FAM120B: variants seen among roughly 807,000 people sequenced by gnomAD.
The protein encoded by FAM120B is constitutive coactivator of peroxisome proliferator-activated receptor gamma.
A neutral mutation model predicts 96.3 loss-of-function variants in FAM120B; 83 were observed. That is an observed-to-expected ratio of 0.86 (90% CI 0.72 to 1.03). The LOEUF is 1.03. FAM120B is among the 50% of genes least tolerant of loss of function. FAM120B has a pLI of 0.00. For synonymous variants in FAM120B, 407 were observed against 402.7 expected (o/e 1.01, Z -0.13); for missense variants, 1,027 against 1,121.2 (o/e 0.92, Z 1.20).
chr6:170,323,137 G>C lies in FAM120B; in HGVS notation c.1793G>C (p.Ser598Thr), dbSNP rs1185515660. 6.2e-7 allele frequency: 1 copy of C among 1,614,156 alleles called. No homozygotes were observed. Among genetic ancestry groups the C allele is most frequent in the South Asian group, 1.1e-5 (1 of 91,084 alleles). The change falls in exon 3 of 11, where the codon AGT becomes ACT. Residue 598 changes from serine to threonine, a missense_variant. This residue lies in a region of FAM120B where 880 missense variants were observed against 980.9 expected (regional missense o/e 0.90). Coordinates refer to ENST00000476287, the MANE Select transcript of FAM120B (RefSeq NM_032448.3). ...ESYLVYNIMS[S>T]GEIECSNTLE... Reference sequence around the variant, plus strand: ...TACCTGGTGTACAACATCATGAGCAGTGGAGAGATTGAATGCAGCAACACC... The same window carrying C: ...TACCTGGTGTACAACATCATGAGCACTGGAGAGATTGAATGCAGCAACACC...
At chr6:170,387,902 T>C (rs1250124207) in intron 6 of FAM120B, among the ~76,000 whole-genome samples, 1 of 152,240 alleles carries the variant, frequency 6.6e-6, no homozygotes, top group African/African-American at 2.4e-5. Flanking sequence ...TGAATGATCA[T>C]GTGAGCTTTT....
intron 2 of FAM120B, among the ~76,000 whole-genome samples, chr6:170,320,410 G>A (rs1785209030): frequency 6.6e-6 from 1 of 152,182 alleles, no homozygotes; most frequent in Admixed American, 6.5e-5. Context: ...ATTTAAAGTG[G>A]CCATTGTAGT....
upstream of FAM120B, among the ~76,000 whole-genome samples, chr6:170,303,912 T>A (rs528999543): frequency 6.6e-6 from 1 of 152,336 alleles, no homozygotes; most frequent in Admixed American, 6.5e-5. Context: ...ATTCTGAAGA[T>A]CCCTTTTAAG....
At chr6:170,364,507 A>G (rs1336944846) in intron 6 of FAM120B, among the ~76,000 whole-genome samples, 1 of 152,202 alleles carries the variant, frequency 6.6e-6, no homozygotes, top group Non-Finnish European at 1.5e-5. Context: ...TCCTGCCAAC[A>G]TTGATTAACT....
intron 9 of FAM120B, among the ~76,000 whole-genome samples, chr6:170,398,141 C>G (rs1473945631): frequency 6.6e-6 from 1 of 152,202 alleles, no homozygotes; most frequent in Non-Finnish European, 1.5e-5. Flanking sequence ...AGTGTGCCAT[C>G]AGGCCTCCCA....
At chr6:170,390,538 T>C (rs1276213350) in intron 7 of FAM120B, among the ~76,000 whole-genome samples, 1 of 152,162 alleles carries the variant, frequency 6.6e-6, no homozygotes, top group African/African-American at 2.4e-5. Context: ...GAAGGAAAGG[T>C]TGAATGTTCC....
intron 1 of FAM120B, among the ~76,000 whole-genome samples, chr6:170,316,980 A>T (rs1454773194): frequency 2.0e-5 from 3 of 152,192 alleles, no homozygotes; most frequent in Non-Finnish European, 2.9e-5. Flanking sequence ...AGAATCATCC[A>T]TGTGGTGTTT....
At chr6:170,290,831 C>A, upstream of FAM120B, 1 of 625,898 alleles carries the variant, frequency 1.6e-6, no homozygotes, top group South Asian at 1.8e-5. The surrounding 1 kb of genome is among the most constrained non-coding windows in gnomAD (Gnocchi z 4.7). Flanking sequence ...ACCGGAGGGG[C>A]CGGGCCGTGG....
intron 1 of FAM120B, among the ~76,000 whole-genome samples, chr6:170,308,789 ACTTCTTCCT>A (rs765128954): frequency 1.2e-4 from 18 of 152,012 alleles, no homozygotes; most frequent in South Asian, 4.2e-4. Context: ...CCTACCTCCT[ACTTCTTCCT>A]CTTCTGGTGT....
At chr6:170,322,247 A>G (rs1054117265) in intron 2 of FAM120B, among the ~76,000 whole-genome samples, 3 of 152,242 alleles carry the variant, frequency 2.0e-5, no homozygotes, top group Non-Finnish European at 4.4e-5. Context: ...AAATGAGTGA[A>G]TGAATATAGT....
At chr6:170,377,207 T>G (rs1789593556) in intron 6 of FAM120B, among the ~76,000 whole-genome samples, 1 of 108,384 alleles carries the variant, frequency 9.2e-6, no homozygotes, top group Non-Finnish European at 1.8e-5. Context: ...GAGCTCACGC[T>G]GCTCGGTGCT....
At chr6:170,339,101 A>G (rs984744439) in intron 4 of FAM120B, among the ~76,000 whole-genome samples, 1 of 152,140 alleles carries the variant, frequency 6.6e-6, no homozygotes, top group Non-Finnish European at 1.5e-5. Flanking sequence ...GTTTCTTCAT[A>G]GTGTCAATGG....
intron 6 of FAM120B, among the ~76,000 whole-genome samples, chr6:170,378,705 G>A (rs1281493602): frequency 6.6e-6 from 1 of 152,184 alleles, no homozygotes; most frequent in Non-Finnish European, 1.5e-5. Flanking sequence ...GCCTGCAAAG[G>A]GGCAGCCAGT....
At chr6:170,306,500 C>A (rs1458768507), upstream of FAM120B, 1 of 152,436 alleles carries the variant, frequency 6.6e-6, no homozygotes, top group East Asian at 1.9e-4. Flanking sequence ...AAGGGCGGCA[C>A]CCGCCCGACG....
chr6:170,398,110 G>C (rs1211200178), intron 9 of FAM120B, among the ~76,000 whole-genome samples: 1 of 152,244 alleles, frequency 6.6e-6, no homozygotes, highest in Non-Finnish European at 1.5e-5. Flanking sequence ...GTGCCTGCCT[G>C]TCACAGAGGA....
chr6:170,320,552 G>C (rs1159141036), intron 2 of FAM120B, among the ~76,000 whole-genome samples: 1 of 152,210 alleles, frequency 6.6e-6, no homozygotes, highest in Admixed American at 6.5e-5. Flanking sequence ...TCCTCCTTGA[G>C]TACCGGCGAT....
In FAM120B at chr6:170,295,927, G is replaced by C. The variant is rs993396526; in HGVS notation, c.48+474G>C. Among the ~76,000 whole-genome samples, 1 of 152,028 alleles carries C rather than the reference G, an allele frequency of 6.6e-6. No homozygotes were observed. Among genetic ancestry groups the C allele is most frequent in the Non-Finnish European group, 1.5e-5 (1 of 67,986 alleles). ...ATTTGCATGAGAACGGGCGGGTCGCGTGGCTCAGCTGGCGGCCCCGGCGCA... is the reference window on the plus strand; with the variant it reads ...ATTTGCATGAGAACGGGCGGGTCGCCTGGCTCAGCTGGCGGCCCCGGCGCA... On this transcript the variant is annotated intron_variant, in intron 1 of 10. Transcript: ENST00000537664. The surrounding 1 kb of genome is among the most constrained non-coding windows in gnomAD (Gnocchi z 7.8).
rs1251200305 is a variant in FAM120B, at chr6:170,406,424, G to A, written c.*1673G>A. On this transcript the variant is annotated 3_prime_UTR_variant, in exon 11 of 11. Coordinates refer to ENST00000476287, the MANE Select transcript of FAM120B (RefSeq NM_032448.3). The stretch of plus-strand genomic sequence containing the variant: ...GCCAGTTTGTGTGCCTGCACTTGAC[G>A]AATTACCTTGACCAACGGGCCAAAG... The A allele has an allele frequency of 1.3e-5, 2 of 152,180 alleles. No individual in the cohort carries two copies. The highest frequency in any genetic ancestry group is 1.9e-4 in the East Asian group (1 of 5,196). 9.4% of individuals were successfully genotyped at this position (152,180 alleles called of 1,614,324 possible). A position where few individuals can be genotyped will look rare whatever the true frequency, so the allele number is the denominator to read the frequency against.
chr6:170,318,478 G>T lies in FAM120B; in HGVS notation c.1088G>T (p.Arg363Leu). Residue 363 changes from arginine to leucine, a missense_variant, in exon 2 of 11, where the codon CGA (arginine) becomes CTA (leucine). By Grantham distance (102) the Arg-to-Leu change is moderately radical. Coordinates refer to ENST00000476287, the MANE Select transcript of FAM120B (RefSeq NM_032448.3). ...ATGTGTACAGGCCCTGAATCCAGGCGAGAAGTTCCCGTGTATACAGATTCT... is the reference window on the plus strand; with the variant it reads ...ATGTGTACAGGCCCTGAATCCAGGCTAGAAGTTCCCGTGTATACAGATTCT... The part of the protein sequence containing the change: ...VPMCTGPESR[R>L]EVPVYTDSEP... The T allele has an allele frequency of 1.3e-6, 2 of 1,560,176 alleles. No homozygotes were observed. Among genetic ancestry groups the T allele is most frequent in the East Asian group, 2.5e-5 (1 of 40,522 alleles).
Sources: allele counts gnomAD v4.1 joint callset (sites outside exome capture counted in the v4.1 genomes callset), GRCh38; gene constraint gnomAD v4.1.1; regional missense constraint gnomAD v4.1.1; non-coding constraint Gnocchi (gnomAD v3.1); transcripts MANE v1.5; gene names NCBI Gene and HGNC (gene_info 2026-07-23, HGNC 2026-07-21).